MACF1: variants seen among roughly 807,000 people sequenced by gnomAD.
MACF1 encodes the protein microtubule actin crosslinking factor 1.
In MACF1, 193 loss-of-function variants were observed where a neutral mutation model predicts 854.8. The ratio of observed to expected loss-of-function variants is 0.23; its 90% CI spans 0.20 to 0.25. MACF1 has a LOEUF of 0.25. Ranked by LOEUF, MACF1 falls within the 10% of genes least tolerant of loss-of-function variation. The pLI is 1.00. For missense variants in MACF1, 7,722 were observed against 8,929.1 expected (o/e 0.86, Z 5.45); for synonymous variants, 3,185 against 3,226.7 (o/e 0.99, Z 0.44).
rs1553174802 is a variant in MACF1, at chr1:39,232,754, T to TTTTTTG, written c.171+1516_171+1517insGTTTTT. 1.2e-3 allele frequency among the ~76,000 whole-genome samples: 70 copies of TTTTTTG among 58,412 alleles called. 2 individuals carry two copies. The highest frequency in any genetic ancestry group is 0.01 in the East Asian group (18 of 1,754). 38.3% of individuals were successfully genotyped at this position (58,412 alleles called of 152,430 possible). ...ACTCTCATACTCTCTTTGTTTTTTT[T>TTTTTTG]TTTTTTTTTTTTTTGTTTGTTTGTT... On this transcript the variant is annotated intron_variant, in intron 2 of 100. Transcript: ENST00000564288.
intron 58 of MACF1, chr1:39,411,267 AGAGTGG>A: frequency 5.0e-6 from 8 of 1,613,942 alleles, no homozygotes; most frequent in Non-Finnish European, 6.8e-6. Context: ...AGGCTGAGGG[AGAGTGG>A]GAGGAAGAGA....
intron 2 of MACF1, among the ~76,000 whole-genome samples, chr1:39,180,994 C>A (rs1241079242): frequency 6.6e-6 from 1 of 152,214 alleles, no homozygotes; most frequent in Non-Finnish European, 1.5e-5. Context: ...CAGCCTCTGC[C>A]TCCCGGGTTC....
At chr1:39,173,981 C>T (rs1537817) in intron 2 of MACF1, among the ~76,000 whole-genome samples, 24,281 of 151,638 alleles carry the variant, frequency 0.16, 2,415 homozygotes, top group Middle Eastern at 0.22. Context: ...CTGAAGGTGC[C>T]GTATTTAAGG....
chr1:39,388,786 GCA>G (rs1641896486), intron 58 of MACF1, 128 bp downstream of exon 58: 2 of 817,328 alleles, frequency 2.4e-6, no homozygotes, highest in South Asian at 4.5e-5. Context: ...CACCATGAAA[GCA>G]CACTGTCTGA....
chr1:39,310,064 A>C (rs983048965), intron 24 of MACF1, among the ~76,000 whole-genome samples, 181 bp from the exon 25 acceptor site: 2 of 152,224 alleles, frequency 1.3e-5, no homozygotes, highest in Non-Finnish European at 2.9e-5. Context: ...GGGTGCTGGT[A>C]ATGTTCTGCT....
intron 6 of MACF1, among the ~76,000 whole-genome samples, chr1:39,261,827 G>A (rs949488783): frequency 5.9e-5 from 9 of 152,136 alleles, no homozygotes; most frequent in African/African-American, 2.2e-4. Context: ...ACCTAGGAAT[G>A]GGATTTCTTA....
At chr1:39,270,213 C>G (rs1645290691) in intron 6 of MACF1, among the ~76,000 whole-genome samples, 1 of 152,172 alleles carries the variant, frequency 6.6e-6, no homozygotes, top group Admixed American at 6.5e-5. Context: ...AATCCCATCC[C>G]TGTTGGGAAA....
Position 39,442,176 on chromosome 1 carries a change from A to C in MACF1, c.18804A>C (p.Gln6268His). The C allele has an allele frequency of 6.3e-7, 1 of 1,596,482 alleles. No homozygotes were observed. The highest frequency in any genetic ancestry group is 8.5e-7 in the Non-Finnish European group (1 of 1,173,918). Residue 6268 changes from glutamine (Q) to histidine (H), a missense_variant, in exon 76 of 101, where the codon CAA becomes CAC. Physicochemically the swap from Gln to His is conservative, Grantham distance 24 (BLOSUM62 0). Around this residue, in one of 15 missense-constraint regions of MACF1, gnomAD observed 2,807 missense variants for 3,235.8 expected, o/e 0.87. Coordinates refer to ENST00000564288, the MANE Select transcript of MACF1 (RefSeq NM_001394062.1). The part of the protein sequence containing the change: ...KEFKVEVYQQ[Q>H]IEMEKLNHQG... ...TCAAAGTAGAAGTTTACCAACAGCA[A>C]ATTGAGATGGAGAAGCTTAATCACC...
chr1:39,147,704 A>G (rs933100151), intron 2 of MACF1, among the ~76,000 whole-genome samples: 2 of 152,086 alleles, frequency 1.3e-5, no homozygotes, highest in Non-Finnish European at 2.9e-5. Flanking sequence ...GGCCTCAAGC[A>G]GTCCTTCTGC....
chr1:39,205,203 T>C (rs535447406), intron 1 of MACF1, 72 bp downstream of exon 1: 2 of 696,658 alleles, frequency 2.9e-6, no homozygotes, highest in African/African-American at 3.5e-5. Context: ...ATGATGGAGG[T>C]CTTCCCAGTT....
chr1:39,360,988 T>C lies in MACF1; in HGVS notation c.12440T>C (p.Leu4147Ser). Residue 4147 changes from leucine to serine, a missense_variant, in exon 48 of 101, where the codon TTA becomes TCA. This residue lies in a region of MACF1 where 2,807 missense variants were observed against 3,235.8 expected (regional missense o/e 0.87). Transcript: ENST00000564288. Reference protein sequence around the residue: ...SLSSGVIQEALATNMKLKQDI... With the variant: ...SLSSGVIQEASATNMKLKQDI... The stretch of plus-strand genomic sequence containing the variant: ...TCATCAGGAGTCATCCAGGAAGCCT[T>C]AGCCACAAATATGGTAAGATCTGTG... 1 of 1,614,014 alleles carries C rather than the reference T, an allele frequency of 6.2e-7. No homozygotes were observed. Among genetic ancestry groups the C allele is most frequent in the Non-Finnish European group, 8.5e-7 (1 of 1,179,922 alleles).
Position 39,361,485 on chromosome 1 carries a change from G to A in MACF1, c.12579G>A (p.Val4193=), listed in dbSNP as rs756738658. The A allele has an allele frequency of 2.5e-6, 4 of 1,614,186 alleles. No homozygotes were observed. Among genetic ancestry groups the A allele is most frequent in the South Asian group, 1.1e-5 (1 of 91,076 alleles). Residue 4193 remains valine (V), a synonymous_variant, in exon 49 of 101, where the codon GTG becomes GTA. Transcript: ENST00000564288. ...TGCTGCAGGGCAAACTGGCAGAGGT[G>A]AGCCAGCGGTTCGAACAGCTCTGTC... ...AAVLQGKLAE[V]SQRFEQLCLQ...
chr1:39,320,397 T>C (rs1168985868), intron 31 of MACF1, among the ~76,000 whole-genome samples: 2 of 152,142 alleles, frequency 1.3e-5, no homozygotes, highest in Non-Finnish European at 2.9e-5. Flanking sequence ...ACACCATAAT[T>C]TTCTGCATGC....
Position 39,283,205 on chromosome 1 carries a change from A to G in MACF1, c.712A>G (p.Met238Val), listed in dbSNP as rs1003219907. The G allele has an allele frequency of 6.2e-7, 1 of 1,612,410 alleles. No individual in the cohort carries two copies. Among genetic ancestry groups the G allele is most frequent in the Non-Finnish European group, 8.5e-7 (1 of 1,178,440 alleles). ...IHRYRPDLVD[M>V]ERVQIQSNRE... ...CTTTTACAGACCCGATCTAGTAGAC[A>G]TGGAGAGGGTGCAAATCCAAAGTAA... The change falls in exon 8 of 101, where the codon ATG (methionine) becomes GTG (valine). Residue 238 changes from methionine to valine, a missense_variant. Met to Val is a conservative substitution (Grantham distance 21). This residue lies in a region of MACF1 where 108 missense variants were observed against 196.4 expected (regional missense o/e 0.55). Coordinates refer to ENST00000564288, the MANE Select transcript of MACF1 (RefSeq NM_001394062.1). This position sits in a 1 kb window ranked among gnomAD's most constrained non-coding sequence, Gnocchi z 4.5.
rs767696470 is a variant in MACF1 at position 39,387,243 on chromosome 1, A to G, written c.14401A>G (p.Met4801Val). ...TGCCAGCACCCAGCAGTTCCAGCAA[A>G]TGTTTGATGAGTTGAGGACCTGGTT... is the stretch of plus-strand genomic sequence containing the variant. ...ALASTQQFQQ[M>V]FDELRTWLDD... Residue 4801 changes from methionine (M) to valine (V), a missense_variant, in exon 58 of 101, where the codon ATG becomes GTG. Physicochemically the swap from Met to Val is conservative, Grantham distance 21. Transcript: ENST00000564288. 1 of 1,614,088 alleles carries G rather than the reference A, an allele frequency of 6.2e-7. No individual in the cohort carries two copies.
chr1:39,342,674 A>G (rs983606486), intron 40 of MACF1, among the ~76,000 whole-genome samples: 1 of 151,318 alleles, frequency 6.6e-6, no homozygotes, highest in African/African-American at 2.4e-5. Context: ...ACCCACCACC[A>G]TGCCAGGCTA....
chr1:39,441,036 G>C lies in MACF1; in HGVS notation c.18481G>C (p.Glu6161Gln), dbSNP rs1407537347. Residue 6161 changes from glutamate to glutamine, a missense_variant, in exon 73 of 101, where the codon GAG becomes CAG. This residue lies in a region of MACF1 where 2,807 missense variants were observed against 3,235.8 expected (regional missense o/e 0.87). Transcript: ENST00000564288. The stretch of plus-strand genomic sequence containing the variant: ...GGAAGAGACAGATGGTCTGCATGAA[G>C]AGCTGGAGTTTATTCGGATCCTTGG... ...IKEETDGLHE[E>Q]LEFIRILGAD... The C allele has an allele frequency of 6.2e-7, 1 of 1,614,162 alleles. No homozygotes were observed. Among genetic ancestry groups the C allele is most frequent in the South Asian group, 1.1e-5 (1 of 91,084 alleles).
intron 20 of MACF1, 119 bp downstream of exon 20, chr1:39,296,001 C>T (rs746924364): frequency 7.3e-6 from 6 of 820,802 alleles, no homozygotes; most frequent in South Asian, 7.1e-5. Flanking sequence ...AATTTAGTTG[C>T]TTAAAACAAT....
At chr1:39,355,966 CA>C (rs1647526660) in intron 44 of MACF1, among the ~76,000 whole-genome samples, 1 of 152,112 alleles carries the variant, frequency 6.6e-6, no homozygotes, top group Admixed American at 6.5e-5. Context: ...CCTAGTCACT[CA>C]GCTTTCTTGA....
Sources: gnomAD v4.1 joint callset for allele counts (sites outside exome capture counted in the v4.1 genomes callset) on GRCh38, gnomAD v4.1.1 for gene constraint, gnomAD v4.1.1 regional missense constraint, Gnocchi (gnomAD v3.1) non-coding constraint, MANE v1.5 for transcripts, NCBI Gene and HGNC (gene_info 2026-07-23, HGNC 2026-07-21) for gene names.